EYS: variants seen among roughly 807,000 people sequenced by gnomAD.
EYS encodes the protein protein eyes shut homolog.
EYS carries 250 observed loss-of-function variants against 282.1 expected under a neutral mutation model. That is an observed-to-expected ratio of 0.89 (90% confidence interval 0.80 to 0.98). The LOEUF (loss-of-function observed/expected upper bound fraction) is 0.98, where lower values mean the gene tolerates loss of function less well. EYS is among the 50% of genes least tolerant of loss of function. The pLI, the probability that EYS is intolerant of heterozygous loss-of-function variation, is 0.00. For missense variants in EYS, 4,016 were observed against 3,709.0 expected, an observed-to-expected ratio of 1.08 and a Z score of -2.15; for synonymous variants, 1,355 against 1,282.9, an observed-to-expected ratio of 1.06 and a Z score of -1.20.
At chr6:64,873,018 T>C (rs2150055212) in intron 19 of EYS, among the ~76,000 whole-genome samples, 1 of 152,158 alleles carries the variant, frequency 6.6e-6, no homozygotes, top group South Asian at 2.1e-4. Context: ...GTAAGATCTG[T>C]AAGGAAATAA....
chr6:65,006,587 A>T (rs1771672079), intron 13 of EYS, among the ~76,000 whole-genome samples: 1 of 151,992 alleles, frequency 6.6e-6, no homozygotes, highest in African/African-American at 2.4e-5. Flanking sequence ...AGAAAAAGCT[A>T]ATGTAACTCC....
intron 12 of EYS, among the ~76,000 whole-genome samples, chr6:65,144,818 G>A (rs1456155191): frequency 6.6e-6 from 1 of 151,326 alleles, no homozygotes; most frequent in East Asian, 2.0e-4. Context: ...TGGATGGAGT[G>A]CAGTGGTGCC....
chr6:65,253,814 A>C (rs1048624755), intron 12 of EYS, among the ~76,000 whole-genome samples: 8 of 151,844 alleles, frequency 5.3e-5, no homozygotes, highest in African/African-American at 1.9e-4. Context: ...TTGTAAATGG[A>C]AACTTTTTTC....
chr6:64,440,358 T>C (rs1774898831), intron 26 of EYS, among the ~76,000 whole-genome samples: 1 of 152,072 alleles, frequency 6.6e-6, no homozygotes, highest in Non-Finnish European at 1.5e-5. Flanking sequence ...TGCAACAATT[T>C]CTAAATAAAT....
intron 13 of EYS, among the ~76,000 whole-genome samples, chr6:65,021,523 G>C (rs568103219): frequency 6.6e-6 from 1 of 152,250 alleles, no homozygotes; most frequent in South Asian, 2.1e-4. Flanking sequence ...ACATCTTCCT[G>C]TCTCCTGATT....
At chr6:64,576,838 G>T (rs367903059) in intron 26 of EYS, among the ~76,000 whole-genome samples, 1 of 152,022 alleles carries the variant, frequency 6.6e-6, no homozygotes, top group East Asian at 1.9e-4. Context: ...AAAATGGATT[G>T]GATTATATTC....
chr6:65,016,567 G>C (rs1237314197), intron 13 of EYS, among the ~76,000 whole-genome samples: 3 of 152,154 alleles, frequency 2.0e-5, no homozygotes, highest in African/African-American at 7.2e-5. Context: ...TAATCTTTCT[G>C]TGCAAGAGGC....
rs35451751 is a variant in EYS at position 64,667,513 on chromosome 6, CT to C, written c.3444-41269del. Among the ~76,000 whole-genome samples, 634 of 147,862 alleles carry C rather than the reference CT, an allele frequency of 4.3e-3. 9 individuals carry two copies. Among genetic ancestry groups the C allele is most frequent in the African/African-American group, 0.014 (555 of 40,458 alleles). ...TAAAAGATCATTTGGGAACTTATGA[CT>C]TTTTTTTTTGCTATTTCCTTATATA... is the stretch of plus-strand genomic sequence containing the variant. On this transcript the variant is annotated intron_variant, in intron 22 of 42. Transcript: ENST00000503581.
At chr6:65,565,424 C>A (rs539068653) in intron 2 of EYS, among the ~76,000 whole-genome samples, 1 of 151,826 alleles carries the variant, frequency 6.6e-6, no homozygotes, top group Non-Finnish European at 1.5e-5. Context: ...GTTAGAATGG[C>A]GATCATTAAA....
chr6:65,255,934 A>G (rs1310029686), intron 12 of EYS, among the ~76,000 whole-genome samples: 2 of 152,052 alleles, frequency 1.3e-5, no homozygotes, highest in Non-Finnish European at 2.9e-5. Flanking sequence ...GTGGATAACA[A>G]TCTGCAAGTT....
At chr6:65,614,366 T>C (rs1582520091) in intron 2 of EYS, among the ~76,000 whole-genome samples, 1 of 152,076 alleles carries the variant, frequency 6.6e-6, no homozygotes, top group East Asian at 1.9e-4. Flanking sequence ...CTTTAATTCA[T>C]TTAATGTCCG....
intron 29 of EYS, among the ~76,000 whole-genome samples, chr6:64,321,410 G>A (rs1462602587): frequency 2.0e-5 from 3 of 151,712 alleles, no homozygotes; most frequent in Non-Finnish European, 4.4e-5. Context: ...GTATTTGAAA[G>A]CTAATAAATA....
chr6:64,212,070 C>T (rs1011076232), intron 31 of EYS, among the ~76,000 whole-genome samples: 8 of 151,954 alleles, frequency 5.3e-5, no homozygotes, highest in Non-Finnish European at 8.8e-5. Context: ...GAGCCAAGGT[C>T]GCACCACTGC....
intron 22 of EYS, among the ~76,000 whole-genome samples, chr6:64,779,467 C>T (rs780490956): frequency 1.7e-4 from 26 of 151,912 alleles, no homozygotes; most frequent in African/African-American, 4.6e-4. Flanking sequence ...AAAAGATCAG[C>T]GTTTGCCAGG....
At chr6:64,437,407 T>C (rs1774789616) in intron 27 of EYS, among the ~76,000 whole-genome samples, 1 of 151,734 alleles carries the variant, frequency 6.6e-6, no homozygotes, top group South Asian at 2.1e-4. Flanking sequence ...GATATATACT[T>C]ACAAGTCTAC....
intron 2 of EYS, among the ~76,000 whole-genome samples, chr6:65,532,200 A>G (rs1298352346): frequency 6.6e-6 from 1 of 152,134 alleles, no homozygotes; most frequent in Non-Finnish European, 1.5e-5. Flanking sequence ...CATATGCTTA[A>G]CAAATTTTTT....
chr6:64,181,694 C>G (rs1179986002), intron 31 of EYS, among the ~76,000 whole-genome samples: 1 of 151,956 alleles, frequency 6.6e-6, no homozygotes, highest in Non-Finnish European at 1.5e-5. Context: ...TCCCAGTCCA[C>G]TAAAAAACGT....
chr6:63,762,063 A>G (rs746063898), intron 41 of EYS, among the ~76,000 whole-genome samples: 22 of 151,958 alleles, frequency 1.4e-4, no homozygotes, highest in Non-Finnish European at 2.4e-4. Flanking sequence ...TTCCCTCTGA[A>G]GCTGATGGCC....
At chr6:64,493,477 T>C (rs533930598) in intron 26 of EYS, among the ~76,000 whole-genome samples, 1 of 151,686 alleles carries the variant, frequency 6.6e-6, no homozygotes, top group South Asian at 2.1e-4. Flanking sequence ...GAACAATGAA[T>C]GCTTCGTTAA....
Sources: allele counts gnomAD v4.1 joint callset (sites outside exome capture counted in the v4.1 genomes callset), GRCh38; gene constraint gnomAD v4.1.1; transcripts MANE v1.5; gene names NCBI Gene and HGNC (gene_info 2026-07-23, HGNC 2026-07-21).